CPNE4: variants seen among roughly 807,000 people sequenced by gnomAD.
CPNE4 encodes copine 4.
A neutral mutation model predicts 67.9 loss-of-function variants in CPNE4; 25 were observed. The observed-to-expected ratio is 0.37, with a 90% CI of 0.27 to 0.51. The LOEUF (loss-of-function observed/expected upper bound fraction) is 0.51. Ranked by LOEUF, CPNE4 falls within the 20% of genes least tolerant of loss-of-function variation. The pLI is 0.93. For missense variants in CPNE4, 464 were observed against 690.8 expected (o/e 0.67, Z 3.68); for synonymous variants, 242 against 244.9 (o/e 0.99, Z 0.11).
chr3:131,865,737 C>T (rs759427373), intron 2 of CPNE4, among the ~76,000 whole-genome samples: 4 of 152,154 alleles, frequency 2.6e-5, no homozygotes, highest in Non-Finnish European at 4.4e-5. Context: ...CAATTTAGCA[C>T]GTGTACAAGT....
At chr3:131,565,575 C>T (rs1254630338) in intron 10 of CPNE4, among the ~76,000 whole-genome samples, 2 of 151,850 alleles carry the variant, frequency 1.3e-5, no homozygotes, top group East Asian at 3.9e-4. Context: ...GATATTGTAC[C>T]CTGCAATCAA....
intron 1 of CPNE4, among the ~76,000 whole-genome samples, chr3:132,010,988 G>C (rs1413723163): frequency 6.6e-6 from 1 of 152,132 alleles, no homozygotes; most frequent in African/African-American, 2.4e-5. Flanking sequence ...CTGTCTCAAA[G>C]GACCTCCAAA....
chr3:131,785,903 C>T (rs1043164230), intron 2 of CPNE4, among the ~76,000 whole-genome samples: 4 of 152,014 alleles, frequency 2.6e-5, no homozygotes, highest in East Asian at 3.9e-4. Context: ...TGGGCCTTTG[C>T]GTATTCAGAT....
At chr3:132,036,332 C>T (rs1369086846), upstream of CPNE4, among the ~76,000 whole-genome samples, 1 of 152,036 alleles carries the variant, frequency 6.6e-6, no homozygotes, top group Non-Finnish European at 1.5e-5. Context: ...CACTAATGGG[C>T]CAGGACTTCC....
intron 14 of CPNE4, among the ~76,000 whole-genome samples, chr3:131,544,851 C>T (rs1935735218): frequency 6.6e-6 from 1 of 152,156 alleles, no homozygotes; most frequent in Non-Finnish European, 1.5e-5. Context: ...TTCTGTGTCT[C>T]CTACCTTTAT....
At chr3:131,849,489 T>C (rs984418534) in intron 2 of CPNE4, among the ~76,000 whole-genome samples, 1 of 151,914 alleles carries the variant, frequency 6.6e-6, no homozygotes. Context: ...GCAGATCTAA[T>C]GGGAACTCAC....
chr3:131,774,261 G>C (rs1282676697), intron 2 of CPNE4, among the ~76,000 whole-genome samples: 1 of 151,630 alleles, frequency 6.6e-6, no homozygotes, highest in Non-Finnish European at 1.5e-5. Context: ...GCTCTATCTA[G>C]TTCCAGCCAA....
At chr3:131,948,430 C>T (rs1238042221) in intron 1 of CPNE4, among the ~76,000 whole-genome samples, 4 of 152,192 alleles carry the variant, frequency 2.6e-5, no homozygotes, top group Admixed American at 6.5e-5. Context: ...CCCAGCAATG[C>T]GGAACTGTGA....
intron 2 of CPNE4, among the ~76,000 whole-genome samples, chr3:131,848,858 A>C (rs1402444551): frequency 6.7e-6 from 1 of 149,392 alleles, no homozygotes; most frequent in Non-Finnish European, 1.5e-5. Flanking sequence ...TGCTCATTTT[A>C]AATTACTCTT....
At chr3:132,023,540 T>A (rs950913467) in intron 1 of CPNE4, among the ~76,000 whole-genome samples, 1 of 126,582 alleles carries the variant, frequency 7.9e-6, no homozygotes, top group Non-Finnish European at 1.6e-5. Context: ...CAGGCTGGAG[T>A]GCAGTGGCGG....
chr3:131,709,202 G>A (rs935323871), intron 3 of CPNE4, among the ~76,000 whole-genome samples: 1 of 151,590 alleles, frequency 6.6e-6, no homozygotes, highest in African/African-American at 2.4e-5. Context: ...TTTTTGCAAT[G>A]AGCCTATATT....
intron 7 of CPNE4, among the ~76,000 whole-genome samples, chr3:131,667,001 A>G (rs1377526614): frequency 6.6e-6 from 1 of 152,222 alleles, no homozygotes; most frequent in African/African-American, 2.4e-5. Flanking sequence ...TCTTAAGAAT[A>G]ATGTTTTATA....
chr3:131,683,621 A>G (rs1459443186), intron 6 of CPNE4, among the ~76,000 whole-genome samples: 4 of 151,902 alleles, frequency 2.6e-5, no homozygotes, highest in Non-Finnish European at 5.9e-5. Context: ...TGGTGCATGC[A>G]CCTGAGGGGT....
chr3:131,999,669 TATATG>T (rs2073380022), intron 1 of CPNE4, among the ~76,000 whole-genome samples: 1 of 152,042 alleles, frequency 6.6e-6, no homozygotes, highest in Non-Finnish European at 1.5e-5. Context: ...GATGGAGAGA[TATATG>T]ATATGATAAA....
At chr3:131,996,203 C>T (rs1169263644) in intron 1 of CPNE4, among the ~76,000 whole-genome samples, 5 of 152,136 alleles carry the variant, frequency 3.3e-5, no homozygotes, top group Non-Finnish European at 5.9e-5. Flanking sequence ...ACGTGTCTTC[C>T]TTTGGAGATT....
At chr3:131,940,803 A>T (rs1320718298) in intron 1 of CPNE4, among the ~76,000 whole-genome samples, 1 of 152,182 alleles carries the variant, frequency 6.6e-6, no homozygotes, top group Middle Eastern at 3.4e-3. Flanking sequence ...TACAAGGTAG[A>T]TGGAGATGTC....
chr3:131,645,497 C>A (rs910021637), intron 7 of CPNE4, among the ~76,000 whole-genome samples: 1 of 152,134 alleles, frequency 6.6e-6, no homozygotes, highest in African/African-American at 2.4e-5. Context: ...TTAATTCTTA[C>A]AACTCTATGG....
intron 10 of CPNE4, among the ~76,000 whole-genome samples, chr3:131,565,818 TAAAA>T (rs66674789): frequency 7.7e-6 from 1 of 129,796 alleles, no homozygotes; most frequent in African/African-American, 2.7e-5. Context: ...TAAGAGTATG[TAAAA>T]AAAAAAAAAA....
chr3:131,650,125 G>GCCAT (rs780776914), intron 7 of CPNE4, among the ~76,000 whole-genome samples: 27 of 152,038 alleles, frequency 1.8e-4, no homozygotes, highest in African/African-American at 5.3e-4. Flanking sequence ...TCTTTTAAAG[G>GCCAT]GCATATCTGA....
Sources: allele counts gnomAD v4.1 joint callset (sites outside exome capture counted in the v4.1 genomes callset), GRCh38; gene constraint gnomAD v4.1.1; transcripts MANE v1.5; gene names NCBI Gene and HGNC (gene_info 2026-07-23, HGNC 2026-07-21).